C6: variants seen among roughly 807,000 people sequenced by gnomAD.
The protein encoded by C6 is complement component C6.
Under a neutral mutation model 112.9 loss-of-function variants are expected in C6, and 101 were observed. The ratio of observed to expected loss-of-function variants is 0.89; its 90% confidence interval spans 0.76 to 1.06. The LOEUF is 1.06. Among genes scored for constraint, C6 ranks in the 50% least tolerant of loss-of-function variants. The pLI, the probability that C6 is intolerant of heterozygous loss-of-function variation, is 0.00. For missense variants in C6, 1,202 were observed against 1,104.6 expected (o/e 1.09, Z -1.25); for synonymous variants, 431 against 384.1 (o/e 1.12, Z -1.43).
At chr5:41,161,890 T>TGGTCCCAGC in intron 9 of C6, 31 bp from the exon 10 acceptor site, 1 of 1,607,624 alleles carries the variant, frequency 6.2e-7, no homozygotes, top group Non-Finnish European at 8.5e-7. Context: ...AATGCCCATT[T>TGGTCCCAGC]AATTTTAGTG....
intron 1 of C6, among the ~76,000 whole-genome samples, chr5:41,205,215 C>T (rs1242392465): frequency 6.6e-6 from 1 of 152,086 alleles, no homozygotes; most frequent in Admixed American, 6.5e-5. Context: ...TGCTAGAGTC[C>T]TAGATTATTT....
At chr5:41,233,730 C>A (rs1303017540) in intron 1 of C6, among the ~76,000 whole-genome samples, 4 of 152,022 alleles carry the variant, frequency 2.6e-5, no homozygotes, top group African/African-American at 9.7e-5. Flanking sequence ...AAAGACCTAT[C>A]TAATCTTAGA....
intron 1 of C6, among the ~76,000 whole-genome samples, chr5:41,212,075 C>T (rs1167740615): frequency 6.6e-6 from 1 of 152,116 alleles, no homozygotes; most frequent in African/African-American, 2.4e-5. Flanking sequence ...TGATGAGGTA[C>T]TAATGAAAGA....
intron 17 of C6, among the ~76,000 whole-genome samples, chr5:41,146,024 T>TA (rs749262896): frequency 6.6e-6 from 1 of 152,202 alleles, no homozygotes; most frequent in Non-Finnish European, 1.5e-5. Context: ...TTCTCTCTCT[T>TA]AATGCTCTTA....
intron 1 of C6, among the ~76,000 whole-genome samples, chr5:41,230,999 G>C (rs1313567560): frequency 2.0e-5 from 3 of 152,074 alleles, no homozygotes; most frequent in Non-Finnish European, 4.4e-5. Context: ...TCTCATCTAA[G>C]TATAGCCATT....
intron 3 of C6, 130 bp downstream of exon 3, chr5:41,201,428 T>C: frequency 2.2e-6 from 2 of 914,980 alleles, no homozygotes; most frequent in Non-Finnish European, 3.5e-6. Flanking sequence ...GAATTTTCCC[T>C]CAATGGAAGC....
intron 10 of C6, 58 bp from the exon 11 acceptor site, chr5:41,160,425 A>T (rs1434152484): frequency 7.7e-7 from 1 of 1,301,852 alleles, no homozygotes; most frequent in Non-Finnish European, 1.1e-6. Context: ...ATAGGTTGCC[A>T]TTACTGCCCA....
chr5:41,166,067 AAAAAAC>A (rs1561117930), intron 9 of C6, among the ~76,000 whole-genome samples: 2 of 150,998 alleles, frequency 1.3e-5, no homozygotes, highest in Non-Finnish European at 2.9e-5. Flanking sequence ...TCAGCTTCTT[AAAAAAC>A]TACAATGTTC....
upstream of C6, chr5:41,213,581 T>C (rs1752073698): frequency 1.0e-6 from 1 of 984,762 alleles, no homozygotes; most frequent in African/African-American, 1.7e-5. Context: ...GAACTTGAAC[T>C]TTGCAAATGA....
chr5:41,255,929 T>C (rs1366102210), intron 1 of C6, among the ~76,000 whole-genome samples: 11 of 152,192 alleles, frequency 7.2e-5, no homozygotes. Flanking sequence ...TGAGTGGAGA[T>C]GTGCTAACAG....
Position 41,153,910 on chromosome 5 carries a change from T to C in C6, c.2190A>G (p.Leu730=), listed in dbSNP as rs781083640. The change falls in exon 15 of 18, where the codon CTA becomes CTG. Residue 730 remains leucine, a synonymous_variant. Coordinates refer to ENST00000337836, the MANE Select transcript of C6 (RefSeq NM_000065.5). ...RLYRIGESIE[L]TCPKGFVVAG... ...CAACAACAAAGCCTTTGGGGCAAGT[T>C]AGCTCAATGGATTCACCAATTCTAT... is the stretch of plus-strand genomic sequence containing the variant. The C allele has an allele frequency of 6.2e-7, 1 of 1,613,806 alleles. No individual in the cohort carries two copies.
chr5:41,255,013 A>G (rs201721457), intron 1 of C6, among the ~76,000 whole-genome samples: 1 of 152,326 alleles, frequency 6.6e-6, no homozygotes, highest in East Asian at 1.9e-4. Flanking sequence ...ATCCACATCA[A>G]CTTCCCAGAG....
At chr5:41,230,702 C>A (rs1739842564) in intron 1 of C6, among the ~76,000 whole-genome samples, 1 of 152,076 alleles carries the variant, frequency 6.6e-6, no homozygotes, top group Non-Finnish European at 1.5e-5. Context: ...TTCGTACACC[C>A]CCTCCCCTTT....
chr5:41,236,203 G>T (rs762213005), intron 1 of C6, among the ~76,000 whole-genome samples: 3,237 of 106,142 alleles, frequency 0.03, 77 homozygotes, highest in Non-Finnish European at 0.044. Flanking sequence ...GGGTTTTTAT[G>T]GTTTTAGGTC....
intron 8 of C6, among the ~76,000 whole-genome samples, chr5:41,174,995 C>G (rs528739781): frequency 6.6e-6 from 1 of 152,118 alleles, no homozygotes; most frequent in Non-Finnish European, 1.5e-5. Context: ...ATAAATTATT[C>G]CATATAAACT....
intron 1 of C6, among the ~76,000 whole-genome samples, chr5:41,221,320 C>A (rs1739153765): frequency 6.6e-6 from 1 of 152,110 alleles, no homozygotes; most frequent in South Asian, 2.1e-4. Flanking sequence ...TGATATTTCC[C>A]TCCAAAAGGA....
At chr5:41,187,699 T>TAC (rs201227440) in intron 5 of C6, among the ~76,000 whole-genome samples, 3,298 of 123,216 alleles carry the variant, frequency 0.027, 72 homozygotes, top group African/African-American at 0.072. Flanking sequence ...GACACACACA[T>TAC]ACACACACAC....
At chr5:41,196,634 T>G (rs1469250006) in intron 4 of C6, among the ~76,000 whole-genome samples, 1 of 151,166 alleles carries the variant, frequency 6.6e-6, no homozygotes, top group Non-Finnish European at 1.5e-5. Flanking sequence ...AGTACAGATT[T>G]TATTAAATAT....
At chr5:41,243,575 A>G (rs1420490173) in intron 1 of C6, among the ~76,000 whole-genome samples, 2 of 152,192 alleles carry the variant, frequency 1.3e-5, no homozygotes, top group South Asian at 2.1e-4. Context: ...CAATGAGACT[A>G]GTTACTAAGC....
Sources: allele counts gnomAD v4.1 joint callset (sites outside exome capture counted in the v4.1 genomes callset), GRCh38; gene constraint gnomAD v4.1.1; transcripts MANE v1.5; gene names NCBI Gene and HGNC (gene_info 2026-07-23, HGNC 2026-07-21).